The following AP4E1 variants were observed in gnomAD, a reference collection of about 807,000 sequenced individuals.
AP4E1 encodes the protein AP-4 complex subunit epsilon-1.
Under a neutral mutation model 128.2 loss-of-function variants are expected in AP4E1, and 56 were observed. That is an observed-to-expected ratio of 0.44 (90% CI 0.35 to 0.55). The LOEUF (loss-of-function observed/expected upper bound fraction) is 0.55, where lower values mean the gene tolerates loss of function less well. Among genes scored for constraint, AP4E1 ranks in the 20% least tolerant of loss-of-function variants. AP4E1 has a pLI of 0.00. For synonymous variants in AP4E1, 484 were observed against 473.1 expected (o/e 1.02, Z -0.30); for missense variants, 1,324 against 1,307.7 (o/e 1.01, Z -0.19).
chr15:50,918,954 C>T (rs2063661301), intron 3 of AP4E1, among the ~76,000 whole-genome samples: 1 of 152,016 alleles, frequency 6.6e-6, no homozygotes, highest in Admixed American at 6.6e-5. Context: ...TTTGGCTGGG[C>T]ATGGTGGCTC....
At chr15:50,910,995 G>A (rs1405344511) in intron 1 of AP4E1, among the ~76,000 whole-genome samples, 1 of 152,122 alleles carries the variant, frequency 6.6e-6, no homozygotes, top group African/African-American at 2.4e-5. Flanking sequence ...TTTTCTTAAG[G>A]TTTTTGTCCT....
At position 50,920,579 on chromosome 15, in the gene AP4E1, T is replaced by C. The variant is rs1052492715; in HGVS notation, c.347-3352T>C. ...GTGCCACCGTGCCTGGCTAATTTTT[T>C]GGTAGGGACGGGGTTTCACCGTGTT... On this transcript the variant is annotated intron_variant, in intron 3 of 20. Coordinates refer to ENST00000261842, the MANE Select transcript of AP4E1 (RefSeq NM_007347.5). 1.3e-4 allele frequency among the ~76,000 whole-genome samples: 19 copies of C among 151,812 alleles called. No individual in the cohort carries two copies. In the South Asian group the frequency reaches 1.7e-3, roughly 13 times the overall value.
At chr15:50,928,733 C>A (rs1239444957) in intron 5 of AP4E1, among the ~76,000 whole-genome samples, 2 of 139,782 alleles carry the variant, frequency 1.4e-5, no homozygotes, top group African/African-American at 2.7e-5. Context: ...TTTTTAATCT[C>A]AAAAGTAATA....
chr15:50,999,798 C>A (rs1353276648), intron 19 of AP4E1, among the ~76,000 whole-genome samples: 4 of 151,610 alleles, frequency 2.6e-5, no homozygotes, highest in Non-Finnish European at 5.9e-5. Flanking sequence ...GTGTGCTGCA[C>A]CCATTAACTC....
intron 1 of AP4E1, among the ~76,000 whole-genome samples, 156 bp from the exon 2 acceptor site, chr15:50,911,922 A>G (rs2063571308): frequency 6.6e-6 from 1 of 152,368 alleles, no homozygotes; most frequent in East Asian, 1.9e-4. Context: ...AAATGCCTTT[A>G]GATAGATCGT....
rs775470936 is a variant in AP4E1, at chr15:51,002,567, C to G, written c.3319C>G (p.His1107Asp). ...SIPCLLHCRVHADVLALWFRS... is the reference protein window; with the variant it reads ...SIPCLLHCRVDADVLALWFRS... ...CCCCTGCTTACTGCATTGCCGAGTT[C>G]ATGCAGATGTATTAGCCCTGTGGTT... The change falls in exon 21 of 21, where the codon CAT becomes GAT. Residue 1107 changes from histidine to aspartate, a missense_variant. Physicochemically the swap from His to Asp is moderately conservative, Grantham distance 81. Transcript: ENST00000261842. The G allele has an allele frequency of 2.5e-6, 4 of 1,614,064 alleles. No homozygotes were observed. Among genetic ancestry groups the G allele is most frequent in the Non-Finnish European group, 3.4e-6 (4 of 1,180,032 alleles).
Position 50,997,423 on chromosome 15 carries a change from G to C in AP4E1, c.2444G>C (p.Cys815Ser), listed in dbSNP as rs1028161220. The C allele has an allele frequency of 6.2e-7, 1 of 1,613,442 alleles. No individual in the cohort carries two copies. The highest frequency in any genetic ancestry group is 8.5e-7 in the Non-Finnish European group (1 of 1,179,728). ...ACAACCAGTACTCATAATATGACCT[G>C]TTCTTCCTTTAGTTCTTTGTCAAAT... The part of the protein sequence containing the change: ...GETTSTHNMT[C>S]SSFSSLSNVA... The change falls in exon 18 of 21, where the codon TGT becomes TCT. Residue 815 changes from cysteine to serine, a missense_variant. Coordinates refer to ENST00000261842, the MANE Select transcript of AP4E1 (RefSeq NM_007347.5).
rs750700135 is a variant in AP4E1 at position 50,997,771 on chromosome 15, C to T, written c.2792C>T (p.Ser931Phe). The T allele has an allele frequency of 1.9e-6, 3 of 1,610,548 alleles. No homozygotes were observed. Among genetic ancestry groups the T allele is most frequent in the East Asian group, 2.2e-5 (1 of 44,796 alleles). Residue 931 changes from serine (S) to phenylalanine (F), a missense_variant, in exon 18 of 21, where the codon TCT becomes TTT. Transcript: ENST00000261842. The stretch of plus-strand genomic sequence containing the variant: ...AATAATGAAACTATATCAGTGTCTT[C>T]TTATAAAATTTGGAAAGATGATTGT... ...VCNNETISVS[S>F]YKIWKDDCLL...
chr15:50,928,181 C>T (rs561936847), intron 5 of AP4E1, among the ~76,000 whole-genome samples: 6 of 152,266 alleles, frequency 3.9e-5, no homozygotes, highest in African/African-American at 1.4e-4. Context: ...TTCCTCCCCT[C>T]TGTCCCCCAG....
At chr15:50,939,226 A>G (rs1454064025) in intron 8 of AP4E1, among the ~76,000 whole-genome samples, 1 of 152,066 alleles carries the variant, frequency 6.6e-6, no homozygotes, top group Non-Finnish European at 1.5e-5. Flanking sequence ...TAATCCCAGC[A>G]CTTTGGGAGG....
chr15:50,949,412 C>CA (rs55857377), intron 11 of AP4E1, among the ~76,000 whole-genome samples: 10,511 of 69,966 alleles, frequency 0.15, 717 homozygotes, highest in African/African-American at 0.29. Context: ...GATTCTGCCT[C>CA]AAAAAAAAAA....
intron 16 of AP4E1, among the ~76,000 whole-genome samples, chr15:50,988,181 AT>A (rs1428017844): frequency 6.6e-6 from 1 of 152,216 alleles, no homozygotes; most frequent in Non-Finnish European, 1.5e-5. Flanking sequence ...TAAACTTATG[AT>A]GGGGTTACAT....
intron 15 of AP4E1, among the ~76,000 whole-genome samples, chr15:50,969,660 CTT>C (rs370228298): frequency 1.7e-4 from 23 of 133,916 alleles, no homozygotes; most frequent in Middle Eastern, 3.5e-3. Flanking sequence ...CAATATCTTT[CTT>C]TTTTTTTTTT....
intron 8 of AP4E1, among the ~76,000 whole-genome samples, chr15:50,940,117 A>G (rs755553417): frequency 7.2e-5 from 11 of 152,142 alleles, no homozygotes; most frequent in South Asian, 6.2e-4. Context: ...TTATTAGTCA[A>G]TTGACTAAGG....
At chr15:50,995,504 G>A (rs1360079223) in intron 17 of AP4E1, among the ~76,000 whole-genome samples, 3 of 150,602 alleles carry the variant, frequency 2.0e-5, no homozygotes, top group Non-Finnish European at 4.4e-5. Context: ...GCCTGTCTCA[G>A]TCTCCCCAGT....
At chr15:50,975,055 T>C (rs1387507839) in intron 15 of AP4E1, among the ~76,000 whole-genome samples, 1 of 152,186 alleles carries the variant, frequency 6.6e-6, no homozygotes, top group Non-Finnish European at 1.5e-5. Context: ...TTTGTTATTA[T>C]TACCTGTATT....
chr15:50,949,752 TA>T, intron 11 of AP4E1, 73 bp from the exon 12 acceptor site: 1 of 1,191,814 alleles, frequency 8.4e-7, no homozygotes, highest in Non-Finnish European at 1.3e-6. Flanking sequence ...GGTTATTTTT[TA>T]AAAGATTGCT....
intron 16 of AP4E1, among the ~76,000 whole-genome samples, chr15:50,986,057 T>G (rs989863313): frequency 2.0e-5 from 3 of 152,196 alleles, no homozygotes; most frequent in Non-Finnish European, 4.4e-5. Flanking sequence ...CTAGGTATTT[T>G]ATTCTCTTTG....
At chr15:50,913,916 C>T (rs1476496559) in intron 2 of AP4E1, among the ~76,000 whole-genome samples, 1 of 152,038 alleles carries the variant, frequency 6.6e-6, no homozygotes, top group Non-Finnish European at 1.5e-5. Flanking sequence ...CGGGTTCAAG[C>T]GATTCTCCTG....
Sources: allele counts gnomAD v4.1 joint callset (sites outside exome capture counted in the v4.1 genomes callset), GRCh38; gene constraint gnomAD v4.1.1; transcripts MANE v1.5; gene names NCBI Gene and HGNC (gene_info 2026-07-23, HGNC 2026-07-21).